The following PON2 variants were observed in gnomAD, a reference collection of about 807,000 sequenced individuals.
PON2 encodes the protein paraoxonase 2.
A neutral mutation model predicts 36.6 loss-of-function variants in PON2; 27 were observed. That is an observed-to-expected ratio of 0.74 (90% confidence interval 0.54 to 1.02). The LOEUF (loss-of-function observed/expected upper bound fraction) is 1.02, where lower values mean the gene tolerates loss of function less well. Ranked by LOEUF, PON2 falls within the 50% of genes least tolerant of loss-of-function variation. The probability of loss-of-function intolerance (pLI) is 0.00; values close to 1 mark genes in which losing one functional copy is unlikely to be tolerated. For synonymous variants in PON2, 149 were observed against 156.3 expected, an observed-to-expected ratio of 0.95 and a Z score of 0.35; for missense variants, 363 against 421.1, an observed-to-expected ratio of 0.86 and a Z score of 1.21.
At chr7:95,406,274 T>C in intron 7 of PON2, 27 bp from the exon 8 acceptor site, 1 of 1,599,538 alleles carries the variant, frequency 6.3e-7, no homozygotes, top group Non-Finnish European at 8.6e-7. Flanking sequence ...TGTCAAAATC[T>C]AAATGACATG....
At chr7:95,409,084 G>A (rs894268210) in intron 6 of PON2, among the ~76,000 whole-genome samples, 1 of 152,062 alleles carries the variant, frequency 6.6e-6, no homozygotes, top group Non-Finnish European at 1.5e-5. Flanking sequence ...AGGCTGAGGT[G>A]GGCGGATCAC....
intron 2 of PON2, chr7:95,424,107 G>A (rs776247307): frequency 4.3e-5 from 10 of 233,554 alleles, no homozygotes; most frequent in African/African-American, 1.1e-4. Context: ...TTAGCCATAA[G>A]ATCAGATCCT....
chr7:95,406,191 GT>G lies in PON2; in HGVS notation c.833del (p.Asp278AlafsTer4). 1 of 1,612,610 alleles carries G rather than the reference GT, an allele frequency of 6.2e-7. No individual in the cohort carries two copies. Among genetic ancestry groups the G allele is most frequent in the Non-Finnish European group, 8.5e-7 (1 of 1,178,664 alleles). ...CATTAGGATGACAGCCTACCCAGAT[GT>G]CCCCCGAGGAAGGATCAATAGATAA... ...DNLSIDPSSGDIWVGCHPNGQ... is the reference protein window; with the variant it reads ...DNLSIDPSSGXIWVGCHPNGQ... On this transcript the variant is annotated frameshift_variant, in exon 8 of 9. Transcript: ENST00000222572. LOFTEE classifies it high-confidence loss of function.
chr7:95,416,038 A>T (rs1275863490), intron 3 of PON2: 1 of 863,626 alleles, frequency 1.2e-6, no homozygotes, highest in Non-Finnish European at 1.7e-6. Context: ...TGGGGAAATA[A>T]AGAACACTAT....
At position 95,406,222 on chromosome 7, in the gene PON2, TC is replaced by T; in HGVS notation, c.802del (p.Asp268IlefsTer14). On this transcript the variant is annotated frameshift_variant, in exon 8 of 9. Transcript: ENST00000222572. LOFTEE classifies it high-confidence loss of function. ...CGAGGAAGGATCAATAGATAAATTA[TC>T]CACCAGTGTATCCAGCTCAAGTACC... is the stretch of plus-strand genomic sequence containing the variant. ...LKVLELDTLVDNLSIDPSSGD... is the reference protein window; with the variant it reads ...LKVLELDTLVXNLSIDPSSGD... The T allele has an allele frequency of 6.2e-7, 1 of 1,611,890 alleles. No homozygotes were observed. The highest frequency in any genetic ancestry group is 1.1e-5 in the South Asian group (1 of 91,016).
At chr7:95,411,450 T>C (rs1375061328) in intron 5 of PON2, among the ~76,000 whole-genome samples, 1 of 152,184 alleles carries the variant, frequency 6.6e-6, no homozygotes, top group South Asian at 2.1e-4. Context: ...ATGAGTGACA[T>C]CAACTTTCAT....
intron 7 of PON2, among the ~76,000 whole-genome samples, chr7:95,406,552 G>A (rs1030654985): frequency 2.6e-5 from 4 of 152,152 alleles, no homozygotes; most frequent in African/African-American, 9.7e-5. Flanking sequence ...ATCAAAGCAA[G>A]ATAGGAAATT....
Position 95,411,736 on chromosome 7 carries a change from C to A in PON2, c.411G>T (p.Lys137Asn). The stretch of plus-strand genomic sequence containing the variant: ...CAAATTTAAAAATTTCCACTGTATT[C>A]TTGAATTCTGGGTGGTTTACAACAA... ...YLFVVNHPEF[K>N]NTVEIFKFEE... Residue 137 changes from lysine (K) to asparagine (N), a missense_variant, in exon 5 of 9, where the codon AAG (lysine) becomes AAT (asparagine). Coordinates refer to ENST00000222572, the MANE Select transcript of PON2 (RefSeq NM_000305.3). 1.2e-6 allele frequency: 2 copies of A among 1,613,538 alleles called. No homozygotes were observed. Among genetic ancestry groups the A allele is most frequent in the South Asian group, 2.2e-5 (2 of 91,062 alleles).
chr7:95,422,242 A>C (rs1427026650), intron 2 of PON2, among the ~76,000 whole-genome samples: 2 of 152,228 alleles, frequency 1.3e-5, no homozygotes. Context: ...GGAATGAAGA[A>C]GGTTGTGAAA....
chr7:95,420,281 T>C (rs932562592), intron 2 of PON2, among the ~76,000 whole-genome samples: 4 of 152,188 alleles, frequency 2.6e-5, no homozygotes, highest in African/African-American at 9.6e-5. Context: ...GCCAAGTGCA[T>C]AAAATTGTTA....
Position 95,426,999 on chromosome 7 carries a change from G to T in PON2, c.75-2414C>A, listed in dbSNP as rs186132617. 4.6e-4 allele frequency among the ~76,000 whole-genome samples: 70 copies of T among 152,240 alleles called. 1 individual carries two copies. The highest frequency in any genetic ancestry group is 2.1e-4 in the South Asian group (1 of 4,816). On this transcript the variant is annotated intron_variant, in intron 1 of 8. Transcript: ENST00000222572. ...TGTTTCAGAGTCAACTTAGGTTTGC[G>T]TAAGTAATTGGTGCTAAATAGGGCA...
At chr7:95,423,416 G>C (rs761285064) in intron 2 of PON2, among the ~76,000 whole-genome samples, 5 of 151,964 alleles carry the variant, frequency 3.3e-5, no homozygotes, top group Non-Finnish European at 7.4e-5. Flanking sequence ...TATGTACTAG[G>C]GACATGTACT....
Position 95,405,390 on chromosome 7 carries a change from C to T in PON2, c.1005G>A (p.Val335=). The change falls in exon 9 of 9, where the codon GTG becomes GTA. Residue 335 remains valine, a synonymous_variant. Coordinates refer to ENST00000222572, the MANE Select transcript of PON2 (RefSeq NM_000305.3). ...TGCCTATGAGCAGCTTCCCATCATA[C>T]ACTGAGGCTACAGAACTTCCTTGGA... ...SVLQGSSVAS[V]YDGKLLIGTL... The T allele has an allele frequency of 6.2e-7, 1 of 1,613,986 alleles. No homozygotes were observed. The highest frequency in any genetic ancestry group is 1.3e-5 in the African/African-American group (1 of 75,028).
chr7:95,407,007 T>C lies in PON2; in HGVS notation c.757A>G (p.Met253Val), dbSNP rs778368962. ...TTTACCTTCAACTGAGTTAAATTCA[T>C]ATTAGTGTGTTTTTCCAAAACATGA... ...EIHVLEKHTN[M>V]NLTQLKVLEL... The change falls in exon 7 of 9, where the codon ATG (methionine) becomes GTG (valine). Residue 253 changes from methionine (M) to valine (V), a missense_variant. Met to Val is a conservative substitution (Grantham distance 21). Coordinates refer to ENST00000222572, the MANE Select transcript of PON2 (RefSeq NM_000305.3). 3.2e-6 allele frequency: 5 copies of C among 1,568,830 alleles called. No individual in the cohort carries two copies. The Admixed American group carries it at 5.0e-5, about 16-fold the overall frequency.
chr7:95,412,554 G>A, intron 3 of PON2, 77 bp from the exon 4 acceptor site: 1 of 1,441,574 alleles, frequency 6.9e-7, no homozygotes, highest in Non-Finnish European at 9.7e-7. Flanking sequence ...TGTACATGAA[G>A]GATAAATAGA....
intron 2 of PON2, 89 bp from the exon 3 acceptor site, chr7:95,416,386 A>C: frequency 1.4e-6 from 2 of 1,417,128 alleles, no homozygotes; most frequent in Non-Finnish European, 2.0e-6. Context: ...ACTTTATCAG[A>C]GTGACTGTAT....
At chr7:95,430,752 C>A (rs1053464350) in intron 1 of PON2, among the ~76,000 whole-genome samples, 1 of 151,200 alleles carries the variant, frequency 6.6e-6, no homozygotes, top group Non-Finnish European at 1.5e-5. Context: ...AGAGCAAGAA[C>A]CTGCCTTGAA....
chr7:95,423,978 C>T (rs555209086), intron 2 of PON2, among the ~76,000 whole-genome samples: 1 of 152,158 alleles, frequency 6.6e-6, no homozygotes, highest in Non-Finnish European at 1.5e-5. Context: ...AGGGTAACCA[C>T]CTCATGATTC....
Position 95,434,712 on chromosome 7 carries a change from G to C in PON2, c.74+166C>G, listed in dbSNP as rs17876051. Among the ~76,000 whole-genome samples, 714 of 151,406 alleles carry C rather than the reference G, an allele frequency of 4.7e-3. 7 individuals carry two copies. The highest frequency in any genetic ancestry group is 0.016 in the African/African-American group (665 of 40,806). Reference sequence around the variant, plus strand: ...ACTAGAAGCGGAGAGTCGGGGTGATGGGGGTTCAACTAGCTGGGGGAGGGA... The same window carrying C: ...ACTAGAAGCGGAGAGTCGGGGTGATCGGGGTTCAACTAGCTGGGGGAGGGA... On this transcript the variant is annotated intron_variant, in intron 1 of 8. Coordinates refer to ENST00000222572, the MANE Select transcript of PON2 (RefSeq NM_000305.3).
Sources: gnomAD v4.1 joint callset for allele counts (sites outside exome capture counted in the v4.1 genomes callset) on GRCh38, gnomAD v4.1.1 for gene constraint, MANE v1.5 for transcripts, NCBI Gene and HGNC (gene_info 2026-07-23, HGNC 2026-07-21) for gene names.